The following UBN2 variants were observed in gnomAD, a reference collection of about 807,000 sequenced individuals.
UBN2 encodes the protein ubinuclein 2.
Under a neutral mutation model 120.2 loss-of-function variants are expected in UBN2, and 35 were observed. That is an observed-to-expected ratio of 0.29 (90% CI 0.22 to 0.39). The LOEUF (loss-of-function observed/expected upper bound fraction) is 0.39, where lower values mean the gene tolerates loss of function less well. UBN2 is among the 10% of genes least tolerant of loss of function. UBN2 has a pLI of 1.00. For missense variants in UBN2, 1,693 were observed against 1,663.2 expected (o/e 1.02, Z -0.31); for synonymous variants, 661 against 648.7 (o/e 1.02, Z -0.29).
intron 3 of UBN2, among the ~76,000 whole-genome samples, chr7:139,252,411 A>G (rs1450646396): frequency 6.6e-6 from 1 of 152,214 alleles, no homozygotes; most frequent in Non-Finnish European, 1.5e-5. Context: ...GCAGCCATAG[A>G]TAATACCTAA....
intron 13 of UBN2, among the ~76,000 whole-genome samples, chr7:139,281,400 C>A (rs2131030834): frequency 6.6e-6 from 1 of 152,238 alleles, no homozygotes; most frequent in South Asian, 2.1e-4. Context: ...GTAAAAGTAT[C>A]TATAAATTTC....
chr7:139,277,397 A>G (rs776908460), intron 12 of UBN2: 38 of 152,248 alleles, frequency 2.5e-4, no homozygotes, highest in African/African-American at 7.7e-4. Context: ...GATAACATAA[A>G]TAGTTCATGA....
At chr7:139,252,986 A>G (rs1488271608) in intron 3 of UBN2, among the ~76,000 whole-genome samples, 1 of 152,150 alleles carries the variant, frequency 6.6e-6, no homozygotes, top group Admixed American at 6.5e-5. Context: ...TAAAACAACA[A>G]TAAAGTACAA....
chr7:139,282,632 C>T (rs55675533), intron 14 of UBN2, among the ~76,000 whole-genome samples: 7,306 of 152,052 alleles, frequency 0.048, 299 homozygotes, highest in African/African-American at 0.1. Context: ...CCATCCCAGA[C>T]GAGAAGGGGA....
intron 1 of UBN2, 135 bp downstream of exon 1, chr7:139,232,087 G>A (rs1025250498): frequency 2.5e-6 from 2 of 788,356 alleles, no homozygotes; most frequent in South Asian, 3.8e-5. Flanking sequence ...GGGGGCCGGG[G>A]CCGAGCGGGT....
At chr7:139,250,207 G>A (rs1796586555) in intron 2 of UBN2, among the ~76,000 whole-genome samples, 1 of 152,066 alleles carries the variant, frequency 6.6e-6, no homozygotes, top group South Asian at 2.1e-4. Context: ...TGGCACTCTA[G>A]TCTGGGCTAC....
chr7:139,308,612 A>G (rs1276689241), downstream of UBN2, among the ~76,000 whole-genome samples: 1 of 152,074 alleles, frequency 6.6e-6, no homozygotes, highest in African/African-American at 2.4e-5. Flanking sequence ...ATTTGCTGTG[A>G]GGGGCATGTT....
the UBN2 span, among the ~76,000 whole-genome samples, chr7:139,325,255 T>C: frequency 7.0e-6 from 1 of 143,430 alleles, no homozygotes; most frequent in African/African-American, 2.6e-5. Context: ...AGTTTAGAAA[T>C]CACTGCTTTT....
At chr7:139,282,790 C>T (rs1797654120) in intron 14 of UBN2, among the ~76,000 whole-genome samples, 1 of 152,080 alleles carries the variant, frequency 6.6e-6, no homozygotes, top group Non-Finnish European at 1.5e-5. Context: ...AATGTTCCTT[C>T]CACTTGGTGT....
downstream of UBN2, among the ~76,000 whole-genome samples, chr7:139,311,488 C>A (rs922557826): frequency 1.1e-4 from 16 of 152,234 alleles, no homozygotes; most frequent in Non-Finnish European, 2.9e-5. Context: ...CTAGACAAGA[C>A]GCTTTCCCTT....
intron 8 of UBN2, 100 bp from the exon 9 acceptor site, chr7:139,272,222 A>G: frequency 2.6e-6 from 2 of 774,780 alleles, no homozygotes; most frequent in Non-Finnish European, 4.2e-6. Context: ...TTTCAAATCT[A>G]TAATTGGTAT....
At chr7:139,317,352 T>A in the UBN2 span, among the ~76,000 whole-genome samples, 4 of 152,040 alleles carry the variant, frequency 2.6e-5, no homozygotes, top group South Asian at 8.3e-4. Flanking sequence ...TTAATTTTTT[T>A]TAGAGACAGG....
chr7:139,291,872 AT>A (rs113698356), intron 15 of UBN2, among the ~76,000 whole-genome samples: 16 of 152,116 alleles, frequency 1.1e-4, no homozygotes, highest in Admixed American at 2.6e-4. Flanking sequence ...ATAATAATAA[AT>A]TTTTTTTAAA....
intron 2 of UBN2, among the ~76,000 whole-genome samples, chr7:139,245,808 A>G (rs548526072): frequency 5.5e-4 from 84 of 152,310 alleles, no homozygotes; most frequent in African/African-American, 2.0e-3. Context: ...ACTATCCCAG[A>G]TGGGGAGAAA....
the UBN2 span, among the ~76,000 whole-genome samples, chr7:139,319,051 A>G: frequency 6.6e-6 from 1 of 152,010 alleles, no homozygotes; most frequent in East Asian, 1.9e-4. Context: ...AGCATTATGC[A>G]AGAGTCTTTT....
At chr7:139,240,410 A>C (rs1014741204) in intron 2 of UBN2, among the ~76,000 whole-genome samples, 1 of 146,776 alleles carries the variant, frequency 6.8e-6, no homozygotes, top group Non-Finnish European at 1.5e-5. Context: ...TACAGATATG[A>C]GCCACTGTAC....
chr7:139,311,274 A>C (rs1047677838), downstream of UBN2, among the ~76,000 whole-genome samples: 1 of 152,218 alleles, frequency 6.6e-6, no homozygotes, highest in African/African-American at 2.4e-5. Context: ...TCCGTTCTTC[A>C]GAAAACATCG....
chr7:139,243,808 TGGAG>T (rs1418741685), intron 2 of UBN2, among the ~76,000 whole-genome samples: 4 of 152,188 alleles, frequency 2.6e-5, no homozygotes, highest in Non-Finnish European at 1.5e-5. Flanking sequence ...TATTTATAAG[TGGAG>T]CAATGCCTTT....
the UBN2 span, among the ~76,000 whole-genome samples, chr7:139,329,081 AT>A: frequency 7.4e-4 from 110 of 147,788 alleles, 2 homozygotes; most frequent in East Asian, 9.7e-3. Flanking sequence ...TCCAATCTCT[AT>A]TTTTTTTTTA....
Sources: gnomAD v4.1 joint callset for allele counts (sites outside exome capture counted in the v4.1 genomes callset) on GRCh38, gnomAD v4.1.1 for gene constraint, MANE v1.5 for transcripts, NCBI Gene and HGNC (gene_info 2026-07-23, HGNC 2026-07-21) for gene names.